Variants in SMYD3 observed in about 807,000 individuals in gnomAD.
The protein encoded by SMYD3 is histone-lysine N-methyltransferase SMYD3.
Under a neutral mutation model 57.7 loss-of-function variants are expected in SMYD3, and 36 were observed. That is an observed-to-expected ratio of 0.62 (90% CI 0.48 to 0.82). The LOEUF is 0.82. Among genes scored for constraint, SMYD3 ranks in the 40% least tolerant of loss-of-function variants. The pLI is 0.00. For synonymous variants in SMYD3, 211 were observed against 195.0 expected (o/e 1.08, Z -0.68); for missense variants, 515 against 538.8 (o/e 0.96, Z 0.44).
chr1:246,228,289 T>C (rs189274151), intron 5 of SMYD3, among the ~76,000 whole-genome samples: 2 of 152,216 alleles, frequency 1.3e-5, no homozygotes, highest in African/African-American at 2.4e-5. Flanking sequence ...CTTATTTCAA[T>C]GTTTACTTCA....
rs1278252816 is a variant in SMYD3, at chr1:246,372,866, C to T, written c.165-17772G>A. On this transcript the variant is annotated intron_variant, in intron 1 of 11. Transcript: ENST00000490107. ...TTTTCCATAAAGTTTGGAGTCAGGC[C>T]CAACATGCTCTCAAGTATGAAATAC... 2.6e-5 allele frequency among the ~76,000 whole-genome samples: 4 copies of T among 152,054 alleles called. No homozygotes were observed. In the East Asian group the frequency reaches 5.8e-4, roughly 22 times the overall value.
intron 5 of SMYD3, among the ~76,000 whole-genome samples, chr1:246,316,631 T>G (rs1176027290): frequency 7.0e-6 from 1 of 142,224 alleles, no homozygotes; most frequent in Non-Finnish European, 1.5e-5. Context: ...TCCACCCACC[T>G]TGGCCTCCCA....
chr1:246,252,446 G>T (rs553411386), intron 5 of SMYD3, among the ~76,000 whole-genome samples: 1 of 152,312 alleles, frequency 6.6e-6, no homozygotes, highest in South Asian at 2.1e-4. Context: ...GGAGATGAGT[G>T]AATTTGCCCA....
chr1:245,922,884 G>A (rs889051588), intron 7 of SMYD3, among the ~76,000 whole-genome samples: 1 of 152,112 alleles, frequency 6.6e-6, no homozygotes, highest in African/African-American at 2.4e-5. Flanking sequence ...CATTATCTGA[G>A]TTTTCTAAGA....
chr1:246,222,123 C>A (rs750927840), intron 5 of SMYD3, among the ~76,000 whole-genome samples: 5 of 152,060 alleles, frequency 3.3e-5, no homozygotes, highest in Non-Finnish European at 7.4e-5. Context: ...AACATAACTA[C>A]AAGGAGTCTA....
chr1:246,404,632 G>C (rs1038963526), intron 1 of SMYD3, among the ~76,000 whole-genome samples: 10 of 152,152 alleles, frequency 6.6e-5, no homozygotes, highest in African/African-American at 2.4e-4. Context: ...GCCCCTGCAA[G>C]CACTTGATCT....
intron 1 of SMYD3, among the ~76,000 whole-genome samples, chr1:246,488,750 A>T (rs970691722): frequency 3.3e-5 from 5 of 152,226 alleles, no homozygotes; most frequent in Non-Finnish European, 7.3e-5. Context: ...AAATATTCAT[A>T]TAAAACTACT....
chr1:246,091,648 C>T (rs1250006277), intron 5 of SMYD3, among the ~76,000 whole-genome samples: 2 of 152,316 alleles, frequency 1.3e-5, no homozygotes, highest in African/African-American at 4.8e-5. Context: ...TTCTTTTAAA[C>T]ACATACTTGC....
At chr1:245,986,050 C>T (rs1231725439) in intron 5 of SMYD3, among the ~76,000 whole-genome samples, 1 of 152,208 alleles carries the variant, frequency 6.6e-6, no homozygotes, top group East Asian at 1.9e-4. Context: ...CAAGGAAACA[C>T]ACTCCCCTGG....
intron 5 of SMYD3, among the ~76,000 whole-genome samples, chr1:246,095,247 A>C (rs1428327051): frequency 6.6e-6 from 1 of 152,212 alleles, no homozygotes; most frequent in African/African-American, 2.4e-5. Flanking sequence ...AACAGGAGTT[A>C]AGACTGTCCA....
intron 5 of SMYD3, chr1:245,956,177 C>A: frequency 1.9e-6 from 1 of 533,864 alleles, no homozygotes; most frequent in Middle Eastern, 9.2e-4. Context: ...CTGGGCCTCC[C>A]AAAGTGTTGG....
At chr1:245,902,603 C>G (rs958199668) in intron 8 of SMYD3, among the ~76,000 whole-genome samples, 4 of 152,214 alleles carry the variant, frequency 2.6e-5, no homozygotes, top group Non-Finnish European at 4.4e-5. Context: ...GGCCCACTGC[C>G]ACCATCACCA....
chr1:246,185,376 G>T (rs1348227534), intron 5 of SMYD3, among the ~76,000 whole-genome samples: 1 of 147,520 alleles, frequency 6.8e-6, no homozygotes, highest in Non-Finnish European at 1.5e-5. Context: ...AGCTGGGACT[G>T]CAGGTGCCCG....
intron 8 of SMYD3, among the ~76,000 whole-genome samples, chr1:245,898,626 C>A (rs560620567): frequency 6.6e-5 from 10 of 152,238 alleles, no homozygotes; most frequent in African/African-American, 1.9e-4. Flanking sequence ...ATTGAGAGCC[C>A]GGTGAATAAT....
rs188414632 is a variant in SMYD3 at position 246,407,888 on chromosome 1, T to C, written c.165-52794A>G. ...ATAAATTATATATATATATTCACTC[T>C]TGAGGAGGCTGGGAAATCCAAAAAT... On this transcript the variant is annotated intron_variant, in intron 1 of 11. Transcript: ENST00000490107. 1.5e-4 allele frequency among the ~76,000 whole-genome samples: 22 copies of C among 151,284 alleles called. 2 individuals are homozygous for C. Among genetic ancestry groups the C allele is most frequent in the African/African-American group, 5.3e-4 (22 of 41,378 alleles).
rs78739455 is a variant in SMYD3, at chr1:245,972,934, C to G, written c.532-42997G>C. Among the ~76,000 whole-genome samples, 99 of 152,318 alleles carry G rather than the reference C, an allele frequency of 6.5e-4. No individual in the cohort carries two copies. In the East Asian group the frequency reaches 0.015, roughly 24 times the overall value. On this transcript the variant is annotated intron_variant, in intron 5 of 11. Coordinates refer to ENST00000490107, the MANE Select transcript of SMYD3 (RefSeq NM_001167740.2). ...ATGTCCCTTTGTTACGAGAACCTGGCCTTACCTTTGCCAACAGTGTTTTTC... is the reference window on the plus strand; with the variant it reads ...ATGTCCCTTTGTTACGAGAACCTGGGCTTACCTTTGCCAACAGTGTTTTTC...
At chr1:246,127,297 C>T (rs1425662054) in intron 5 of SMYD3, among the ~76,000 whole-genome samples, 1 of 152,026 alleles carries the variant, frequency 6.6e-6, no homozygotes, top group Non-Finnish European at 1.5e-5. Context: ...TGCATAAACA[C>T]CTCAATATTT....
intron 5 of SMYD3, among the ~76,000 whole-genome samples, chr1:246,158,764 AACT>A (rs2062066023): frequency 6.6e-6 from 1 of 152,168 alleles, no homozygotes; most frequent in African/African-American, 2.4e-5. Flanking sequence ...CTCCTTGACA[AACT>A]ACTGATTAAA....
intron 1 of SMYD3, among the ~76,000 whole-genome samples, chr1:246,486,798 A>G (rs1015455337): frequency 1.3e-5 from 2 of 152,168 alleles, no homozygotes; most frequent in Admixed American, 6.5e-5. Flanking sequence ...CACCACCCCC[A>G]AAAAAACTAA....
Sources: allele counts gnomAD v4.1 joint callset (sites outside exome capture counted in the v4.1 genomes callset), GRCh38; gene constraint gnomAD v4.1.1; transcripts MANE v1.5; gene names NCBI Gene and HGNC (gene_info 2026-07-23, HGNC 2026-07-21).